TP73: variants seen among roughly 807,000 people sequenced by gnomAD.
TP73 encodes p53-like transcription factor.
TP73 carries 25 observed loss-of-function variants against 62.5 expected under a neutral mutation model. The ratio of observed to expected loss-of-function variants is 0.40; its 90% CI spans 0.29 to 0.56. The LOEUF (loss-of-function observed/expected upper bound fraction) is 0.56, where lower values mean the gene tolerates loss of function less well. Among genes scored for constraint, TP73 ranks in the 20% least tolerant of loss-of-function variants. The pLI is 0.46. For synonymous variants in TP73, 423 were observed against 377.5 expected (o/e 1.12, Z -1.40); for missense variants, 754 against 913.3 (o/e 0.83, Z 2.25).
At position 3,727,590 on chromosome 1, in the gene TP73, GGGTTGAGCTCACAATTCT is replaced by G; in HGVS notation, c.843-35_843-18del. The stretch of plus-strand genomic sequence containing the variant: ...AAGGTGGGCAGGTTGAGGGTGGGCA[GGGTTGAGCTCACAATTCT>G]GGCTGTGCCCACCCGACAGTGGGCA... On this transcript the variant is annotated intron_variant, in intron 7 of 13. Transcript: ENST00000378295. The G allele has an allele frequency of 6.3e-7, 1 of 1,578,302 alleles. No individual in the cohort carries two copies. The highest frequency in any genetic ancestry group is 8.6e-7 in the Non-Finnish European group (1 of 1,167,168).
intron 3 of TP73, among the ~76,000 whole-genome samples, chr1:3,695,180 G>A (rs540536908): frequency 2.0e-5 from 3 of 152,368 alleles, no homozygotes; most frequent in Admixed American, 6.5e-5. Flanking sequence ...CAAGGAAGGA[G>A]CCGATGGCTG....
intron 4 of TP73, chr1:3,707,993 G>T: frequency 1.3e-6 from 1 of 790,350 alleles, no homozygotes; most frequent in Non-Finnish European, 2.0e-6. Context: ...CTCTAGACGT[G>T]AGTGGCCAGA....
chr1:3,715,823 A>G (rs1640548656), intron 4 of TP73, among the ~76,000 whole-genome samples: 1 of 152,208 alleles, frequency 6.6e-6, no homozygotes, highest in Non-Finnish European at 1.5e-5. Flanking sequence ...AAAGCCACCA[A>G]GTCTATCCTG....
At chr1:3,732,210 G>T (rs985062607) in intron 13 of TP73, among the ~76,000 whole-genome samples, 6 of 152,226 alleles carry the variant, frequency 3.9e-5, no homozygotes, top group Admixed American at 1.3e-4. Flanking sequence ...CCAGCCTGGG[G>T]CTGCAGACAG....
chr1:3,685,287 T>C (rs1645623563), intron 3 of TP73, among the ~76,000 whole-genome samples: 1 of 152,094 alleles, frequency 6.6e-6, no homozygotes. Context: ...CTGAGCTCCA[T>C]ATCGGGGTCT....
chr1:3,653,543 C>T (rs1293459635), intron 1 of TP73, among the ~76,000 whole-genome samples: 2 of 152,242 alleles, frequency 1.3e-5, no homozygotes, highest in Non-Finnish European at 2.9e-5. Context: ...GCAATGCACC[C>T]CAAACTTCTG....
In TP73 at chr1:3,682,395, T is replaced by C. The variant is rs773183586; in HGVS notation, c.30T>C (p.Asp10=). 8 of 1,565,006 alleles carry C rather than the reference T, an allele frequency of 5.1e-6. No homozygotes were observed. The Admixed American group carries it at 9.1e-5, about 18-fold the overall frequency. MAQSTATSP[D]GGTTFEHLWS... ...CCCAGTCCACCGCCACCTCCCCTGA[T>C]GGGGGCACCACGTTTGAGCACCTCT... The change falls in exon 2 of 14, where the codon GAT becomes GAC. Residue 10 remains aspartate (D), a synonymous_variant. Transcript: ENST00000378295.
intron 3 of TP73, chr1:3,690,977 CG>C: frequency 6.4e-7 from 1 of 1,566,366 alleles, no homozygotes; most frequent in Non-Finnish European, 8.7e-7. Flanking sequence ...AGGATCTCTT[CG>C]GGGACTTTGC....
At chr1:3,664,217 G>T (rs929486301) in intron 1 of TP73, among the ~76,000 whole-genome samples, 3 of 152,234 alleles carry the variant, frequency 2.0e-5, no homozygotes, top group African/African-American at 7.2e-5. Flanking sequence ...AGCCGGCAGG[G>T]CTTCCACCCA....
At chr1:3,710,755 A>G (rs1640073925) in intron 4 of TP73, among the ~76,000 whole-genome samples, 1 of 152,254 alleles carries the variant, frequency 6.6e-6, no homozygotes, top group African/African-American at 2.4e-5. Flanking sequence ...ACACACAGAC[A>G]CAGCACCCTC....
Position 3,733,190 on chromosome 1 carries a change from C to A in TP73, c.*111C>A, listed in dbSNP as rs544405582. 2.3e-6 allele frequency: 3 copies of A among 1,287,454 alleles called. No homozygotes were observed. Among genetic ancestry groups the A allele is most frequent in the South Asian group, 1.5e-5 (1 of 66,428 alleles). 79.8% of individuals were successfully genotyped at this position (1,287,454 alleles called of 1,614,324 possible). A position where few individuals can be genotyped will look rare whatever the true frequency, so the allele number is the denominator to read the frequency against. ...GGAGGCAGGACCTTCGGGCTGTGCC[C>A]GGGGAAAGGCAAGGTCCGGCCCATC... is the stretch of plus-strand genomic sequence containing the variant. On this transcript the variant is annotated 3_prime_UTR_variant, in exon 14 of 14. Transcript: ENST00000378295.
intron 3 of TP73, among the ~76,000 whole-genome samples, chr1:3,688,747 C>T (rs1464747550): frequency 6.6e-6 from 1 of 152,162 alleles, no homozygotes; most frequent in Admixed American, 6.5e-5. Context: ...ACGTGTAGCT[C>T]AGCCGCACTG....
chr1:3,678,472 G>A (rs910065691), intron 1 of TP73, among the ~76,000 whole-genome samples: 2 of 152,242 alleles, frequency 1.3e-5, no homozygotes, highest in African/African-American at 2.4e-5. Flanking sequence ...CCTGCCTGGC[G>A]CCTGTGCCTG....
intron 6 of TP73, among the ~76,000 whole-genome samples, chr1:3,725,747 G>GTGGA (rs368804380): frequency 0.018 from 659 of 36,678 alleles, 17 homozygotes; most frequent in Non-Finnish European, 0.025. Flanking sequence ...AAATGGGGGA[G>GTGGA]TGGATGGATG....
chr1:3,667,577 C>T (rs1645148198), intron 1 of TP73, among the ~76,000 whole-genome samples: 1 of 151,874 alleles, frequency 6.6e-6, no homozygotes, highest in Non-Finnish European at 1.5e-5. Context: ...GGTGAAACCC[C>T]GTTTCTACTA....
intron 12 of TP73, 46 bp downstream of exon 12, chr1:3,731,111 G>A: frequency 6.3e-7 from 1 of 1,588,400 alleles, no homozygotes; most frequent in Non-Finnish European, 8.6e-7. Context: ...CACCCTGTCT[G>A]TTCACCTCTG....
At chr1:3,715,574 C>T (rs1454115134) in intron 4 of TP73, among the ~76,000 whole-genome samples, 2 of 152,160 alleles carry the variant, frequency 1.3e-5, no homozygotes, top group Non-Finnish European at 2.9e-5. Flanking sequence ...CAGGTGAGGG[C>T]CCCGCGCAGG....
chr1:3,732,628 A>T, intron 13 of TP73, 119 bp from the exon 14 acceptor site: 1 of 865,826 alleles, frequency 1.2e-6, no homozygotes, highest in East Asian at 2.7e-5. Flanking sequence ...TCTCCTGCCT[A>T]CTCTGGTTGG....
chr1:3,685,473 C>T (rs1645630016), intron 3 of TP73, among the ~76,000 whole-genome samples: 1 of 152,210 alleles, frequency 6.6e-6, no homozygotes, highest in African/African-American at 2.4e-5. Context: ...ATGGGGGATT[C>T]CCTGGAATGA....
Sources: gnomAD v4.1 joint callset for allele counts (sites outside exome capture counted in the v4.1 genomes callset) on GRCh38, gnomAD v4.1.1 for gene constraint, MANE v1.5 for transcripts, NCBI Gene and HGNC (gene_info 2026-07-23, HGNC 2026-07-21) for gene names.